The following ZXDC variants were observed in gnomAD, a reference collection of about 807,000 sequenced individuals.
The protein encoded by ZXDC is zinc finger protein ZXDC.
Under a neutral mutation model 63.6 loss-of-function variants are expected in ZXDC, and 58 were observed. The observed-to-expected ratio is 0.91, with a 90% CI of 0.74 to 1.13. The LOEUF (loss-of-function observed/expected upper bound fraction) is 1.13, where lower values mean the gene tolerates loss of function less well. ZXDC is among the 50% of genes most tolerant of loss of function. The pLI is 0.00. For missense variants in ZXDC, 1,133 were observed against 1,148.9 expected, an observed-to-expected ratio of 0.99 and a Z score of 0.20; for synonymous variants, 561 against 496.1, an observed-to-expected ratio of 1.13 and a Z score of -1.74.
chr3:126,462,873 C>T (rs1934610943), intron 5 of ZXDC, among the ~76,000 whole-genome samples: 2 of 152,158 alleles, frequency 1.3e-5, no homozygotes, highest in African/African-American at 4.8e-5. Context: ...ACAAGACTTC[C>T]AGGCATGCTG....
chr3:126,448,488 C>T (rs1933967364), intron 7 of ZXDC, among the ~76,000 whole-genome samples: 1 of 152,214 alleles, frequency 6.6e-6, no homozygotes, highest in Non-Finnish European at 1.5e-5. Flanking sequence ...GTCTGTGACA[C>T]AGACACCACC....
chr3:126,454,548 C>T, intron 7 of ZXDC: 1 of 985,432 alleles, frequency 1.0e-6, no homozygotes, highest in South Asian at 4.7e-5. Context: ...GTGCACCTCT[C>T]CTAGACAACA....
At chr3:126,442,015 T>A in intron 7 of ZXDC, 69 bp from the exon 8 acceptor site, 1 of 1,459,166 alleles carries the variant, frequency 6.9e-7, no homozygotes, top group Admixed American at 2.4e-5. Context: ...CTTACCAAGG[T>A]CTCACTATGG....
At chr3:126,451,551 T>A (rs775371292) in intron 7 of ZXDC, 78 of 985,290 alleles carry the variant, frequency 7.9e-5, no homozygotes, top group Non-Finnish European at 8.8e-5. Context: ...TCACAGAGTG[T>A]CCCCAGTGAA....
At chr3:126,474,196 C>G (rs1935090040) in intron 1 of ZXDC, among the ~76,000 whole-genome samples, 1 of 151,930 alleles carries the variant, frequency 6.6e-6, no homozygotes, top group African/African-American at 2.4e-5. Context: ...TCCCGAGTAG[C>G]TGGGACTACA....
In ZXDC at chr3:126,466,091, A is replaced by T. The variant is rs371058680; in HGVS notation, c.1441+64T>A. On this transcript the variant is annotated intron_variant, in intron 5 of 9. Transcript: ENST00000389709. ...AAGAGGTGAAGAAGGAACAGACGGC[A>T]CTGGCACTGTTCCCGTTTCTCACAG... 2.8e-5 allele frequency: 44 copies of T among 1,546,418 alleles called. No individual in the cohort carries two copies. The African/African-American group carries it at 5.6e-4, about 20-fold the overall frequency.
At position 126,453,701 on chromosome 3, in the gene ZXDC, C is replaced by CT. The variant is rs552369109; in HGVS notation, c.2212+5951dup. ...TTTGTAATTAGCTTTTATTTTTTTT[C>CT]TTTTTTTTTGGCGAAGGAGTTTCGC... On this transcript the variant is annotated intron_variant, in intron 7 of 9. Coordinates refer to ENST00000389709, the MANE Select transcript of ZXDC (RefSeq NM_025112.5). 5.5e-3 allele frequency: 5,319 copies of CT among 973,646 alleles called. 6 individuals carry two copies. Among genetic ancestry groups the CT allele is most frequent in the Non-Finnish European group, 6.1e-3 (4,994 of 820,252 alleles). 60.3% of individuals were successfully genotyped at this position (973,646 alleles called of 1,614,324 possible). A position where few individuals can be genotyped will look rare whatever the true frequency, so the allele number is the denominator to read the frequency against.
At chr3:126,441,159 C>T in intron 8 of ZXDC, 1 of 985,660 alleles carries the variant, frequency 1.0e-6, no homozygotes, top group Non-Finnish European at 1.2e-6. Context: ...GCTGCTGAAG[C>T]AGGTGTGCTC....
At chr3:126,450,901 A>T (rs768116806) in intron 7 of ZXDC, among the ~76,000 whole-genome samples, 25 of 152,214 alleles carry the variant, frequency 1.6e-4, no homozygotes, top group Non-Finnish European at 3.2e-4. Context: ...GGCTGGGACC[A>T]GCAAGCCAGG....
intron 8 of ZXDC, chr3:126,440,975 G>A (rs562324398): frequency 7.1e-6 from 7 of 985,590 alleles, no homozygotes; most frequent in Non-Finnish European, 7.2e-6. Flanking sequence ...GCCTGCAACC[G>A]CATCCCCTGC....
chr3:126,441,028 C>G (rs1159805191), intron 8 of ZXDC: 3 of 985,604 alleles, frequency 3.0e-6, no homozygotes, highest in Non-Finnish European at 2.4e-6. Context: ...GGGGCACACA[C>G]CTGGGCCAAA....
chr3:126,459,308 G>A (rs1285214572), intron 7 of ZXDC: 5 of 985,294 alleles, frequency 5.1e-6, no homozygotes, highest in African/African-American at 1.7e-5. Context: ...CCAAGATCAG[G>A]CCCCAAGGCC....
At chr3:126,474,011 A>G (rs1012314346) in intron 1 of ZXDC, among the ~76,000 whole-genome samples, 9 of 151,714 alleles carry the variant, frequency 5.9e-5, no homozygotes, top group Admixed American at 3.3e-4. Flanking sequence ...TTGGAGTCCT[A>G]CATTCCCAAC....
chr3:126,472,490 T>TA (rs1935018156), intron 1 of ZXDC, among the ~76,000 whole-genome samples, 185 bp from the exon 2 acceptor site: 1 of 152,194 alleles, frequency 6.6e-6, no homozygotes, highest in Non-Finnish European at 1.5e-5. Context: ...GGAAGGCAGC[T>TA]AATGGCAGCC....
chr3:126,467,121 C>T (rs76826102), intron 4 of ZXDC, among the ~76,000 whole-genome samples: 8,503 of 152,138 alleles, frequency 0.056, 292 homozygotes, highest in African/African-American at 0.065. Flanking sequence ...CAGAGGAAAC[C>T]ACACACCTCC....
chr3:126,452,531 G>A (rs1012610157), intron 7 of ZXDC: 2 of 985,196 alleles, frequency 2.0e-6, no homozygotes, highest in African/African-American at 3.5e-5. Flanking sequence ...ATCAAATACA[G>A]GATTTGTTGA....
intron 1 of ZXDC, among the ~76,000 whole-genome samples, chr3:126,473,965 G>A (rs902655968): frequency 3.3e-5 from 5 of 152,134 alleles, no homozygotes; most frequent in Admixed American, 6.5e-5. Context: ...TGTGAAAGCA[G>A]GGAAAGCTGC....
intron 8 of ZXDC, chr3:126,440,736 C>T (rs752985585): frequency 5.1e-6 from 5 of 985,788 alleles, no homozygotes; most frequent in African/African-American, 3.5e-5. Context: ...CCCCATCTGA[C>T]GCTCACCGCT....
In ZXDC at chr3:126,461,754, A is replaced by G. The variant is rs1407051310; in HGVS notation, c.1908T>C (p.His636=). 1 of 1,613,784 alleles carries G rather than the reference A, an allele frequency of 6.2e-7. No individual in the cohort carries two copies. The highest frequency in any genetic ancestry group is 1.1e-5 in the South Asian group (1 of 91,050). The part of the protein sequence containing the change: ...ALTSNSNLAA[H]ITTPTSSSTP... Reference sequence around the variant, plus strand: ...TGCTCGAAGAGGTCGGTGTGGTGATATGTGCTGCTAAGTTACTATTGGAGG... The same window carrying G: ...TGCTCGAAGAGGTCGGTGTGGTGATGTGTGCTGCTAAGTTACTATTGGAGG... The change falls in exon 6 of 10, where the codon CAT becomes CAC. Residue 636 remains histidine (H), a synonymous_variant. Coordinates refer to ENST00000389709, the MANE Select transcript of ZXDC (RefSeq NM_025112.5).
Sources: allele counts gnomAD v4.1 joint callset (sites outside exome capture counted in the v4.1 genomes callset), GRCh38; gene constraint gnomAD v4.1.1; transcripts MANE v1.5; gene names NCBI Gene and HGNC (gene_info 2026-07-23, HGNC 2026-07-21).